MALRD1: variants seen among roughly 807,000 people sequenced by gnomAD.
The protein encoded by MALRD1 is MAM and LDL-receptor class A domain-containing protein 1.
Under a neutral mutation model 242.1 loss-of-function variants are expected in MALRD1, and 247 were observed. That is an observed-to-expected ratio of 1.02 (90% CI 0.92 to 1.13). The LOEUF (loss-of-function observed/expected upper bound fraction) is 1.13. MALRD1 is among the 50% of genes most tolerant of loss of function. MALRD1 has a pLI of 0.00. For synonymous variants in MALRD1, 995 were observed against 866.6 expected, an observed-to-expected ratio of 1.15 and a Z score of -2.60; for missense variants, 2,989 against 2,533.1, an observed-to-expected ratio of 1.18 and a Z score of -3.86.
At chr10:19,562,296 G>GATA (rs1396276029) in intron 32 of MALRD1, among the ~76,000 whole-genome samples, 3 of 130,920 alleles carry the variant, frequency 2.3e-5, no homozygotes, top group East Asian at 2.2e-4. Context: ...TGCTGTCTTA[G>GATA]GTAGATAGAT....
rs537702180 is a variant in MALRD1 at position 19,555,089 on chromosome 10, CTG to C, written c.5479-12412_5479-12411del. Among the ~76,000 whole-genome samples the C allele has an allele frequency of 2.1e-3, 314 of 152,218 alleles. 2 individuals carry two copies. The highest frequency in any genetic ancestry group is 6.2e-3 in the African/African-American group (258 of 41,542). ...GACATTTTAATAATCGCCATTCTGA[CTG>C]GCATGAGATGATATCTCATTGTGTT... On this transcript the variant is annotated intron_variant, in intron 32 of 39. Coordinates refer to ENST00000454679, the MANE Select transcript of MALRD1 (RefSeq NM_001142308.3).
chr10:19,358,107 C>T (rs1222619156), intron 26 of MALRD1, among the ~76,000 whole-genome samples: 1 of 151,680 alleles, frequency 6.6e-6, no homozygotes, highest in Admixed American at 6.6e-5. Flanking sequence ...TTCTAAATGT[C>T]CATATGCAAA....
chr10:19,547,465 T>C lies in MALRD1; in HGVS notation c.5478+16114T>C, dbSNP rs115002236. Among the ~76,000 whole-genome samples, 1,316 of 151,956 alleles carry C rather than the reference T, an allele frequency of 8.7e-3. 18 individuals are homozygous for C. The highest frequency in any genetic ancestry group is 0.03 in the African/African-American group (1,246 of 41,468). On this transcript the variant is annotated intron_variant, in intron 32 of 39. Coordinates refer to ENST00000454679, the MANE Select transcript of MALRD1 (RefSeq NM_001142308.3). ...TTCTTATTTGCAAGGACCTTAGCAA[T>C]GCTTTAAAAAAAAATCTGAAAAACC...
chr10:19,562,031 G>C (rs1234651942), intron 32 of MALRD1, among the ~76,000 whole-genome samples: 2 of 152,124 alleles, frequency 1.3e-5, no homozygotes, highest in African/African-American at 4.8e-5. Flanking sequence ...AGGCGCAGTG[G>C]CTTACCCCTT....
In MALRD1 at chr10:19,620,617, A is replaced by C. The variant is rs188320730; in HGVS notation, c.6137+4694A>C. 2.7e-3 allele frequency among the ~76,000 whole-genome samples: 413 copies of C among 152,062 alleles called. 1 individual carries two copies. The highest frequency in any genetic ancestry group is 9.5e-3 in the African/African-American group (395 of 41,506). On this transcript the variant is annotated intron_variant, in intron 36 of 39. Coordinates refer to ENST00000454679, the MANE Select transcript of MALRD1 (RefSeq NM_001142308.3). ...AAAGGGACTATGAAATTTTTCAAAA[A>C]CTCCTTTGGAGAGTTCATGGGCAAA...
At chr10:19,169,812 AGATTAGTAG>A (rs1306240712) in intron 13 of MALRD1, among the ~76,000 whole-genome samples, 1 of 152,226 alleles carries the variant, frequency 6.6e-6, no homozygotes. Flanking sequence ...CTAGGATTTA[AGATTAGTAG>A]CCTGAGTCAT....
chr10:19,106,894 GT>G (rs1403341868), intron 5 of MALRD1, among the ~76,000 whole-genome samples: 2 of 151,774 alleles, frequency 1.3e-5, no homozygotes, highest in African/African-American at 4.8e-5. Flanking sequence ...GGCTTATTTT[GT>G]TTTTCAGGGG....
intron 28 of MALRD1, among the ~76,000 whole-genome samples, chr10:19,430,111 C>CTTTTTTTTCTTTTTTT: frequency 1.2e-5 from 1 of 83,494 alleles, no homozygotes; most frequent in Non-Finnish European, 2.1e-5. Flanking sequence ...CTCCATTTTC[C>CTTTTTTTTCTTTTTTT]TTTTTTTTTT....
chr10:19,596,748 A>AGAAAAGAAAC (rs1838118367), intron 34 of MALRD1, among the ~76,000 whole-genome samples: 1 of 151,422 alleles, frequency 6.6e-6, no homozygotes, highest in Non-Finnish European at 1.5e-5. Context: ...CAAAAAGAAA[A>AGAAAAGAAAC]GAAAAGAAAA....
chr10:19,699,147 A>G (rs1352896170), intron 38 of MALRD1, among the ~76,000 whole-genome samples: 2 of 152,066 alleles, frequency 1.3e-5, no homozygotes, highest in Non-Finnish European at 2.9e-5. Context: ...ACCATGGCAC[A>G]TGTATACCTG....
intron 28 of MALRD1, among the ~76,000 whole-genome samples, chr10:19,439,537 CAA>C (rs11353528): frequency 6.6e-6 from 1 of 150,682 alleles, no homozygotes; most frequent in African/African-American, 2.4e-5. Flanking sequence ...GACCCTGTCT[CAA>C]AAAAAAAGTG....
chr10:19,228,493 A>G (rs1837894940), intron 18 of MALRD1, among the ~76,000 whole-genome samples: 1 of 152,238 alleles, frequency 6.6e-6, no homozygotes, highest in South Asian at 2.1e-4. Context: ...TTCATCTGCC[A>G]TAACCCATTA....
intron 9 of MALRD1, among the ~76,000 whole-genome samples, chr10:19,136,275 G>A: frequency 6.6e-6 from 1 of 151,766 alleles, no homozygotes; most frequent in East Asian, 1.9e-4. Context: ...TAGGTGGGAT[G>A]CTTGTTTTTT....
chr10:19,367,427 G>T (rs962010414), intron 26 of MALRD1, among the ~76,000 whole-genome samples: 3 of 152,020 alleles, frequency 2.0e-5, no homozygotes, highest in African/African-American at 7.2e-5. Flanking sequence ...CATCCATGTT[G>T]CTGCTCACGA....
intron 21 of MALRD1, among the ~76,000 whole-genome samples, chr10:19,302,254 C>A (rs1841982517): frequency 6.6e-6 from 1 of 151,710 alleles, no homozygotes; most frequent in Non-Finnish European, 1.5e-5. Flanking sequence ...AGTTTCTCAA[C>A]CAATTGAATG....
At chr10:19,200,223 C>T (rs1166195495) in intron 14 of MALRD1, among the ~76,000 whole-genome samples, 2 of 152,216 alleles carry the variant, frequency 1.3e-5, no homozygotes, top group Non-Finnish European at 1.5e-5. Context: ...ATGTTTTTCA[C>T]TCTACATTTA....
chr10:19,208,567 A>G (rs1836892606), intron 17 of MALRD1, among the ~76,000 whole-genome samples: 2 of 152,166 alleles, frequency 1.3e-5, no homozygotes, highest in African/African-American at 4.8e-5. Context: ...CTGGGACGGG[A>G]TGGAACCAAA....
chr10:19,167,540 T>C (rs1178390794), intron 13 of MALRD1, among the ~76,000 whole-genome samples: 3 of 152,124 alleles, frequency 2.0e-5, no homozygotes, highest in Non-Finnish European at 4.4e-5. Context: ...TTGGAGCAGA[T>C]GGCTTTAGGA....
chr10:19,596,114 T>C (rs186198092), intron 34 of MALRD1, among the ~76,000 whole-genome samples: 2 of 152,292 alleles, frequency 1.3e-5, no homozygotes, highest in East Asian at 3.9e-4. Flanking sequence ...AGCAAATGCA[T>C]GTAAAATTCC....
Sources: allele counts gnomAD v4.1 joint callset (sites outside exome capture counted in the v4.1 genomes callset), GRCh38; gene constraint gnomAD v4.1.1; transcripts MANE v1.5; gene names NCBI Gene and HGNC (gene_info 2026-07-23, HGNC 2026-07-21).